Variants in ATP9A observed in about 807,000 individuals in gnomAD.
ATP9A encodes the protein probable phospholipid-transporting ATPase IIA.
Under a neutral mutation model 144.1 loss-of-function variants are expected in ATP9A, and 52 were observed. That is an observed-to-expected ratio of 0.36 (90% CI 0.29 to 0.45). The LOEUF (loss-of-function observed/expected upper bound fraction) is 0.45. ATP9A is among the 20% of genes least tolerant of loss of function. The pLI is 1.00. For synonymous variants in ATP9A, 582 were observed against 557.4 expected, an observed-to-expected ratio of 1.04 and a Z score of -0.62; for missense variants, 947 against 1,392.7, an observed-to-expected ratio of 0.68 and a Z score of 5.09.
At chr20:51,745,588 T>C (rs2077804716) in intron 1 of ATP9A, among the ~76,000 whole-genome samples, 1 of 152,158 alleles carries the variant, frequency 6.6e-6, no homozygotes, top group Non-Finnish European at 1.5e-5. Context: ...TACTGGCACG[T>C]AGTGGGTAGA....
intron 1 of ATP9A, among the ~76,000 whole-genome samples, chr20:51,762,133 G>A (rs1286076736): frequency 6.6e-6 from 1 of 152,154 alleles, no homozygotes; most frequent in African/African-American, 2.4e-5. Flanking sequence ...GGGAGGCCAA[G>A]GTGGGCAGAT....
chr20:51,641,285 G>A (rs528362230), intron 14 of ATP9A, among the ~76,000 whole-genome samples: 1 of 151,986 alleles, frequency 6.6e-6, no homozygotes, highest in South Asian at 2.1e-4. Context: ...CTTAAACCTG[G>A]AAGGTAGAAG....
intron 26 of ATP9A, among the ~76,000 whole-genome samples, chr20:51,607,050 T>C (rs1026964721): frequency 2.6e-5 from 4 of 151,570 alleles, no homozygotes; most frequent in South Asian, 2.1e-4. Flanking sequence ...AATATATATA[T>C]GTAAATTTAA....
chr20:51,696,186 C>A, intron 5 of ATP9A, 42 bp from the exon 6 acceptor site: 2 of 1,601,428 alleles, frequency 1.2e-6, no homozygotes, highest in Non-Finnish European at 1.7e-6. Flanking sequence ...AATGAATGAC[C>A]GTGTGCTGTG....
chr20:51,604,458 A>G (rs2077155368), intron 27 of ATP9A, among the ~76,000 whole-genome samples: 2 of 152,312 alleles, frequency 1.3e-5, no homozygotes, highest in African/African-American at 4.8e-5. Context: ...CCACTTTGCT[A>G]TCACAAGTCC....
intron 13 of ATP9A, among the ~76,000 whole-genome samples, chr20:51,657,521 C>G (rs2077392406): frequency 6.6e-6 from 1 of 152,086 alleles, no homozygotes; most frequent in Non-Finnish European, 1.5e-5. Flanking sequence ...CTTGGGTACT[C>G]CTATGTTGGG....
chr20:51,657,029 A>G lies in ATP9A; in HGVS notation c.1415T>C (p.Val472Ala). The change falls in exon 14 of 28, where the codon GTG (valine) becomes GCG (alanine). Residue 472 changes from valine to alanine, a missense_variant. Physicochemically the swap from Val to Ala is moderately conservative, Grantham distance 64. Around this residue, in one of 2 missense-constraint regions of ATP9A, gnomAD observed 770 missense variants for 1,047.9 expected, o/e 0.73. Transcript: ENST00000338821. ...ATCAGTCACACCGTTGGACTCATAC[A>G]CGGGAGTCACGTTGTGGCAGAGCGC... is the stretch of plus-strand genomic sequence containing the variant. ...AIALCHNVTP[V>A]YESNGVTDQA... The G allele has an allele frequency of 6.2e-7, 1 of 1,614,184 alleles. No individual in the cohort carries two copies. Among genetic ancestry groups the G allele is most frequent in the Non-Finnish European group, 8.5e-7 (1 of 1,180,032 alleles).
At chr20:51,606,063 T>C (rs778047244) in intron 26 of ATP9A, among the ~76,000 whole-genome samples, 1 of 151,332 alleles carries the variant, frequency 6.6e-6, no homozygotes, top group Admixed American at 6.6e-5. Context: ...AGGTCAGGAG[T>C]TCGAGACCAG....
chr20:51,767,353 C>T (rs1901072471), intron 1 of ATP9A, among the ~76,000 whole-genome samples: 2 of 152,154 alleles, frequency 1.3e-5, no homozygotes, highest in African/African-American at 4.8e-5. Flanking sequence ...ATTGGCGGGT[C>T]TAGGCGGGGG....
At chr20:51,665,729 A>G (rs1361579131) in intron 13 of ATP9A, among the ~76,000 whole-genome samples, 2 of 147,760 alleles carry the variant, frequency 1.4e-5, no homozygotes, top group African/African-American at 4.9e-5. Flanking sequence ...CGTCTCAAAA[A>G]AAAAAAAAAA....
intron 13 of ATP9A, among the ~76,000 whole-genome samples, chr20:51,662,971 G>A (rs2077417116): frequency 6.6e-6 from 1 of 152,028 alleles, no homozygotes; most frequent in African/African-American, 2.4e-5. Context: ...TCAGGAAGCT[G>A]AGGCAGAAGA....
intron 3 of ATP9A, among the ~76,000 whole-genome samples, chr20:51,722,225 A>G (rs562378565): frequency 2.6e-5 from 4 of 152,354 alleles, no homozygotes; most frequent in African/African-American, 7.2e-5. Flanking sequence ...CTAAGTCCTG[A>G]AACTATAAAA....
At chr20:51,699,148 C>T (rs549620359) in intron 4 of ATP9A, among the ~76,000 whole-genome samples, 1 of 152,108 alleles carries the variant, frequency 6.6e-6, no homozygotes, top group African/African-American at 2.4e-5. Flanking sequence ...TCAAGACCAG[C>T]CTGGCAAACA....
At chr20:51,694,847 C>T (rs1601109934) in intron 6 of ATP9A, among the ~76,000 whole-genome samples, 2 of 152,160 alleles carry the variant, frequency 1.3e-5, no homozygotes, top group East Asian at 3.8e-4. Context: ...GTAGAACACT[C>T]ATAATTTTGG....
At chr20:51,763,419 T>C (rs996418834) in intron 1 of ATP9A, among the ~76,000 whole-genome samples, 1 of 151,642 alleles carries the variant, frequency 6.6e-6, no homozygotes, top group Non-Finnish European at 1.5e-5. Flanking sequence ...TTCACGCCAT[T>C]CTCCTGCCTC....
chr20:51,712,287 G>T (rs1463244260), intron 4 of ATP9A, among the ~76,000 whole-genome samples: 16 of 152,034 alleles, frequency 1.1e-4, no homozygotes, highest in Admixed American at 1.0e-3. Flanking sequence ...TGTTAGCCAG[G>T]ATGGTCTCGA....
intron 4 of ATP9A, among the ~76,000 whole-genome samples, chr20:51,704,373 G>C (rs188941088): frequency 8.7e-4 from 124 of 142,750 alleles, no homozygotes; most frequent in African/African-American, 3.2e-3. Flanking sequence ...TTGAGTTTCT[G>C]GTGTTTTGTT....
chr20:51,639,251 A>C, intron 15 of ATP9A, 92 bp downstream of exon 15: 2 of 1,347,710 alleles, frequency 1.5e-6, no homozygotes, highest in Non-Finnish European at 2.0e-6. Context: ...ATACCACAGT[A>C]AAGAGGGTTA....
In ATP9A at chr20:51,654,266, A is replaced by C. The variant is rs562148480; in HGVS notation, c.1506+2672T>G. Among the ~76,000 whole-genome samples the C allele has an allele frequency of 5.1e-4, 77 of 152,298 alleles. 1 individual carries two copies. Among genetic ancestry groups the C allele is most frequent in the African/African-American group, 1.8e-3 (75 of 41,570 alleles). Reference sequence around the variant, plus strand: ...TGCAGGCTGGAAGGAGGAGTCTCCCAGGTGACAAATTCCACTGCCCAAAAA... The same window carrying C: ...TGCAGGCTGGAAGGAGGAGTCTCCCCGGTGACAAATTCCACTGCCCAAAAA... On this transcript the variant is annotated intron_variant, in intron 14 of 27. Coordinates refer to ENST00000338821, the MANE Select transcript of ATP9A (RefSeq NM_006045.3).
Sources: gnomAD v4.1 joint callset for allele counts (sites outside exome capture counted in the v4.1 genomes callset) on GRCh38, gnomAD v4.1.1 for gene constraint, gnomAD v4.1.1 regional missense constraint, MANE v1.5 for transcripts, NCBI Gene and HGNC (gene_info 2026-07-23, HGNC 2026-07-21) for gene names.